Variants in ZNF782 observed in about 807,000 individuals in gnomAD.
ZNF782 encodes the protein zinc finger protein 782.
A neutral mutation model predicts 13.0 loss-of-function variants in ZNF782; 12 were observed. The ratio of observed to expected loss-of-function variants is 0.92; its 90% confidence interval spans 0.59 to 1.50. The LOEUF is 1.50. Among genes scored for constraint, ZNF782 ranks in the 40% most tolerant of loss-of-function variants. ZNF782 has a pLI of 0.00. For missense variants in ZNF782, 770 were observed against 822.9 expected (o/e 0.94, Z 0.79); for synonymous variants, 284 against 283.0 (o/e 1.00, Z -0.04).
chr9:96,833,728 G>A (rs1850885567), intron 4 of ZNF782, among the ~76,000 whole-genome samples: 1 of 152,136 alleles, frequency 6.6e-6, no homozygotes, highest in South Asian at 2.1e-4. Flanking sequence ...CTACAGCAGA[G>A]GAGAATTATG....
chr9:96,867,374 T>A (rs747253067), intron 1 of ZNF782, among the ~76,000 whole-genome samples: 2 of 152,200 alleles, frequency 1.3e-5, no homozygotes, highest in Admixed American at 6.5e-5. Context: ...GACTTGCTCC[T>A]TCTTGCCTTC....
At chr9:96,832,599 C>T (rs904967713) in intron 4 of ZNF782, among the ~76,000 whole-genome samples, 2 of 152,122 alleles carry the variant, frequency 1.3e-5, no homozygotes, top group African/African-American at 4.8e-5. Context: ...GAGATATTTA[C>T]GCTGGATAAA....
the ZNF782 span, chr9:96,894,491 A>T: frequency 6.6e-6 from 1 of 152,006 alleles, no homozygotes; most frequent in South Asian, 2.1e-4. Flanking sequence ...ATCTTTCCTT[A>T]CTCTTGAAGT....
chr9:96,842,851 T>TA (rs1851229795), intron 4 of ZNF782, among the ~76,000 whole-genome samples: 1 of 151,976 alleles, frequency 6.6e-6, no homozygotes, highest in Non-Finnish European at 1.5e-5. Flanking sequence ...AAGTCAATGG[T>TA]AAAACACACA....
chr9:96,842,861 A>G lies in ZNF782; in HGVS notation c.142+2029T>C, dbSNP rs549152493. Among the ~76,000 whole-genome samples, 289 of 152,278 alleles carry G rather than the reference A, an allele frequency of 1.9e-3. 2 individuals are homozygous for G. Among genetic ancestry groups the G allele is most frequent in the African/African-American group, 6.8e-3 (281 of 41,590 alleles). ...CTCAAAAGTCAATGGTAAAACACAC[A>G]AACTTCCAATTAAAAAATGGACAAA... On this transcript the variant is annotated intron_variant, in intron 4 of 5. Coordinates refer to ENST00000481138, the MANE Select transcript of ZNF782 (RefSeq NM_001001662.3).
At chr9:96,890,118 T>G in the ZNF782 span, 1 of 152,280 alleles carries the variant, frequency 6.6e-6, no homozygotes, top group African/African-American at 2.4e-5. Flanking sequence ...CAGGGCCAAG[T>G]AGCACCAGCC....
chr9:96,889,723 G>C, the ZNF782 span: 2 of 152,182 alleles, frequency 1.3e-5, no homozygotes, highest in African/African-American at 2.4e-5. Context: ...TTTTTAAAGA[G>C]TACTTATTAA....
the ZNF782 span, among the ~76,000 whole-genome samples, chr9:96,930,872 G>GTTTTTTTTTTTTTTT: frequency 2.1e-4 from 15 of 72,724 alleles, 3 homozygotes; most frequent in South Asian, 5.6e-4. Context: ...CCATCCAGTG[G>GTTTTTTTTTTTTTTT]TTTTTTTTTT....
upstream of ZNF782, among the ~76,000 whole-genome samples, chr9:96,857,428 CACTT>C (rs1208515014): frequency 6.6e-6 from 1 of 152,212 alleles, no homozygotes; most frequent in African/African-American, 2.4e-5. Context: ...GAATAAAAGG[CACTT>C]ACTTTCTGGT....
chr9:96,866,662 C>T (rs1349028464), intron 1 of ZNF782, among the ~76,000 whole-genome samples: 2 of 152,208 alleles, frequency 1.3e-5, no homozygotes, highest in East Asian at 1.9e-4. Context: ...GATCCACTGA[C>T]AGCCTGCACC....
chr9:96,860,343 T>C (rs1467036324), exon 3 of ZNF782: 1 of 152,582 alleles, frequency 6.6e-6, no homozygotes, highest in African/African-American at 2.4e-5. Context: ...CGGCTTCAGG[T>C]CTGACCCAGT....
At chr9:96,868,990 C>T (rs770475023) in intron 1 of ZNF782, among the ~76,000 whole-genome samples, 9 of 152,008 alleles carry the variant, frequency 5.9e-5, no homozygotes, top group South Asian at 2.1e-4. Context: ...TTGACCTTTG[C>T]GCCTTGGCAC....
At chr9:96,875,923 A>G (rs961724948), upstream of ZNF782, among the ~76,000 whole-genome samples, 1 of 152,198 alleles carries the variant, frequency 6.6e-6, no homozygotes, top group African/African-American at 2.4e-5. Context: ...ACCCTTTCCT[A>G]GAGTGTGGCG....
the ZNF782 span, chr9:96,887,385 T>A: frequency 6.6e-6 from 1 of 151,828 alleles, no homozygotes; most frequent in Admixed American, 6.6e-5. Context: ...AATAACAAAA[T>A]GGCAGACTTC....
At chr9:96,883,639 C>T in the ZNF782 span, among the ~76,000 whole-genome samples, 1 of 152,206 alleles carries the variant, frequency 6.6e-6, no homozygotes, top group Non-Finnish European at 1.5e-5. Flanking sequence ...AGGCTTTTCA[C>T]ACCTCTTTCA....
At chr9:96,825,132 A>T (rs1850571886) in intron 5 of ZNF782, among the ~76,000 whole-genome samples, 1 of 152,180 alleles carries the variant, frequency 6.6e-6, no homozygotes, top group Non-Finnish European at 1.5e-5. Flanking sequence ...AGCTGGAGGC[A>T]TCACACTACC....
intron 4 of ZNF782, among the ~76,000 whole-genome samples, chr9:96,836,685 A>C (rs550384348): frequency 6.6e-6 from 1 of 151,832 alleles, no homozygotes; most frequent in Non-Finnish European, 1.5e-5. Flanking sequence ...CCCTGCAAAA[A>C]CTCAAGGTGA....
chr9:96,917,202 TGTG>T, the ZNF782 span, among the ~76,000 whole-genome samples: 948 of 119,770 alleles, frequency 7.9e-3, 11 homozygotes, highest in African/African-American at 0.028. Context: ...ACTGAGCTGT[TGTG>T]GTGCTGCTGT....
chr9:96,835,508 T>C (rs1393668554), intron 4 of ZNF782, among the ~76,000 whole-genome samples: 2 of 152,138 alleles, frequency 1.3e-5, no homozygotes, highest in South Asian at 2.1e-4. Context: ...GAAGGCAGAA[T>C]AGTTTCAGGG....
Sources: allele counts gnomAD v4.1 joint callset (sites outside exome capture counted in the v4.1 genomes callset), GRCh38; gene constraint gnomAD v4.1.1; transcripts MANE v1.5; gene names NCBI Gene and HGNC (gene_info 2026-07-23, HGNC 2026-07-21).